Variants in SPTBN1 observed in about 807,000 individuals in gnomAD.
SPTBN1 encodes the protein spectrin beta, non-erythrocytic 1, also known as spectrin beta chain, non-erythrocytic 1.
In SPTBN1, 32 loss-of-function variants were observed where a neutral mutation model predicts 266.4. The observed-to-expected ratio is 0.12, with a 90% confidence interval of 0.09 to 0.16. The LOEUF is 0.16. Among genes scored for constraint, SPTBN1 ranks in the 10% least tolerant of loss-of-function variants. The pLI is 1.00. For synonymous variants in SPTBN1, 1,336 were observed against 1,162.2 expected, an observed-to-expected ratio of 1.15 and a Z score of -3.04; for missense variants, 2,296 against 3,067.1, an observed-to-expected ratio of 0.75 and a Z score of 5.94.
chr2:54,656,782 C>T (rs987498182), intron 29 of SPTBN1, among the ~76,000 whole-genome samples: 1 of 152,192 alleles, frequency 6.6e-6, no homozygotes, highest in African/African-American at 2.4e-5. Flanking sequence ...ACTTTTTGAC[C>T]ATTCTTTGCA....
intron 2 of SPTBN1, among the ~76,000 whole-genome samples, chr2:54,536,234 T>G (rs13403817): frequency 0.053 from 8,032 of 152,284 alleles, 666 homozygotes; most frequent in African/African-American, 0.18. Flanking sequence ...GGTATAAATT[T>G]AATTTATATA....
At chr2:54,487,847 T>TTTTTTTTTTTTTTTTTTTTTTTTTC in intron 1 of SPTBN1, among the ~76,000 whole-genome samples, 1 of 138,186 alleles carries the variant, frequency 7.2e-6, no homozygotes, top group Non-Finnish European at 1.6e-5. Flanking sequence ...TTTTTTTTTT[T>TTTTTTTTTTTTTTTTTTTTTTTTTC]GAGACGGAGT....
chr2:54,523,922 G>A (rs67193352), intron 1 of SPTBN1, among the ~76,000 whole-genome samples: 8,366 of 152,250 alleles, frequency 0.055, 316 homozygotes, highest in Non-Finnish European at 0.087. Flanking sequence ...GATAACAGCC[G>A]GGCATGGTGG....
intron 2 of SPTBN1, among the ~76,000 whole-genome samples, chr2:54,535,475 T>G (rs1212429852): frequency 2.6e-5 from 4 of 152,190 alleles, no homozygotes; most frequent in African/African-American, 9.7e-5. Context: ...TCTGGACATT[T>G]CCTAAAAATT....
chr2:54,538,518 T>A (rs1385134452), intron 2 of SPTBN1, among the ~76,000 whole-genome samples: 1 of 152,260 alleles, frequency 6.6e-6, no homozygotes, highest in African/African-American at 2.4e-5. Context: ...GTTGTGATAC[T>A]TCCTGAAAAC....
chr2:54,618,572 C>A (rs1200967206), intron 7 of SPTBN1, among the ~76,000 whole-genome samples: 9 of 152,188 alleles, frequency 5.9e-5, no homozygotes, highest in Non-Finnish European at 8.8e-5. Context: ...CAACAGGCAA[C>A]AGGGAGTCAT....
intron 17 of SPTBN1, among the ~76,000 whole-genome samples, chr2:54,633,155 TCATC>T (rs1423462807): frequency 6.6e-6 from 1 of 152,100 alleles, no homozygotes; most frequent in East Asian, 1.9e-4. Context: ...GTGTTCCCCT[TCATC>T]CATGAGAAAG....
intron 2 of SPTBN1, among the ~76,000 whole-genome samples, chr2:54,579,538 CTG>C (rs1224138725): frequency 6.6e-6 from 1 of 152,206 alleles, no homozygotes; most frequent in Non-Finnish European, 1.5e-5. Flanking sequence ...CTCTTAATAC[CTG>C]AACTGTGGAC....
At position 54,519,315 on chromosome 2, in the gene SPTBN1, T is replaced by A. The variant is rs577881200; in HGVS notation, c.-47-7057T>A. Among the ~76,000 whole-genome samples the A allele has an allele frequency of 2.0e-5, 3 of 152,072 alleles. No homozygotes were observed. The East Asian group carries it at 5.8e-4, about 29-fold the overall frequency. ...TTATTGATGGTAAGTAAATAGAAGG[T>A]TTGTAATTATGAAGCAGTCTTTTAA... On this transcript the variant is annotated intron_variant, in intron 1 of 35. Coordinates refer to ENST00000356805, the MANE Select transcript of SPTBN1 (RefSeq NM_003128.3).
chr2:54,505,907 G>C (rs1029997443), intron 1 of SPTBN1, among the ~76,000 whole-genome samples: 1 of 152,032 alleles, frequency 6.6e-6, no homozygotes, highest in Admixed American at 6.5e-5. Flanking sequence ...GGCGGATCTC[G>C]AGGTCAGGAG....
intron 1 of SPTBN1, among the ~76,000 whole-genome samples, chr2:54,511,014 G>T (rs1322109916): frequency 6.6e-6 from 1 of 152,228 alleles, no homozygotes; most frequent in East Asian, 1.9e-4. Context: ...AGTGTGGTGA[G>T]GTATCCCCAG....
intron 2 of SPTBN1, among the ~76,000 whole-genome samples, chr2:54,592,295 A>C (rs139425574): frequency 1.3e-5 from 2 of 152,244 alleles, no homozygotes; most frequent in Non-Finnish European, 2.9e-5. Context: ...GAAGAGGATG[A>C]TGGTGGAGAG....
At chr2:54,557,753 A>AT in intron 2 of SPTBN1, 1 of 985,380 alleles carries the variant, frequency 1.0e-6, no homozygotes, top group Non-Finnish European at 1.2e-6. Context: ...GGCCCGTGTT[A>AT]TTCCAGGAAA....
intron 2 of SPTBN1, chr2:54,529,694 T>C (rs1421460646): frequency 7.0e-6 from 5 of 717,954 alleles, no homozygotes; most frequent in Non-Finnish European, 1.3e-5. Flanking sequence ...GAAGAAGCTC[T>C]GTGACATTGA....
rs966037488 is a variant in SPTBN1, at chr2:54,626,787, C to T, written c.1644+553C>T. The stretch of plus-strand genomic sequence containing the variant: ...ATCCAATTATTGCAAGGATGGAATG[C>T]GGTAGTATGTGCACAGATCATGGGA... On this transcript the variant is annotated intron_variant, in intron 12 of 35. Transcript: ENST00000356805. This position sits in a 1 kb window ranked among gnomAD's most constrained non-coding sequence, Gnocchi z 4.7. Among the ~76,000 whole-genome samples, 20 of 152,242 alleles carry T rather than the reference C, an allele frequency of 1.3e-4. No homozygotes were observed. Among genetic ancestry groups the T allele is most frequent in the African/African-American group, 3.6e-4 (15 of 41,536 alleles).
chr2:54,504,778 A>G (rs1236907295), intron 1 of SPTBN1, among the ~76,000 whole-genome samples: 1 of 152,160 alleles, frequency 6.6e-6, no homozygotes, highest in African/African-American at 2.4e-5. Context: ...TTAATAAGCA[A>G]ATGTTTTACT....
intron 1 of SPTBN1, among the ~76,000 whole-genome samples, chr2:54,482,868 A>T (rs536998618): frequency 6.6e-6 from 1 of 152,242 alleles, no homozygotes; most frequent in African/African-American, 2.4e-5. Context: ...GTACTGAGTC[A>T]CTCCATACTT....
At chr2:54,506,683 C>T (rs1309113036) in intron 1 of SPTBN1, among the ~76,000 whole-genome samples, 1 of 152,018 alleles carries the variant, frequency 6.6e-6, no homozygotes, top group African/African-American at 2.4e-5. Context: ...GAGAGAAATA[C>T]CCAATAGTTC....
rs1309366334 is a variant in SPTBN1, at chr2:54,628,297, C to G, written c.1798+47C>G. 3 of 1,555,714 alleles carry G rather than the reference C, an allele frequency of 1.9e-6. No individual in the cohort carries two copies. The highest frequency in any genetic ancestry group is 2.6e-6 in the Non-Finnish European group (3 of 1,152,064). On this transcript the variant is annotated intron_variant, in intron 13 of 35. Coordinates refer to ENST00000356805, the MANE Select transcript of SPTBN1 (RefSeq NM_003128.3). The surrounding 1 kb of genome is among the most constrained non-coding windows in gnomAD (Gnocchi z 4.3). ...CATTACCTCCGGGTCACCAGAGATT[C>G]ATATTTATAGAAACACAGTGGGGCT...
Sources: gnomAD v4.1 joint callset for allele counts (sites outside exome capture counted in the v4.1 genomes callset) on GRCh38, gnomAD v4.1.1 for gene constraint, Gnocchi (gnomAD v3.1) non-coding constraint, MANE v1.5 for transcripts, NCBI Gene and HGNC (gene_info 2026-07-23, HGNC 2026-07-21) for gene names.